Variants in PDE11A observed in about 807,000 individuals in gnomAD.
The protein encoded by PDE11A is dual 3',5'-cyclic-AMP and -GMP phosphodiesterase 11A.
PDE11A carries 100 observed loss-of-function variants against 100.5 expected under a neutral mutation model. The ratio of observed to expected loss-of-function variants is 1.00; its 90% CI spans 0.85 to 1.18. PDE11A has a LOEUF of 1.18. Among genes scored for constraint, PDE11A ranks in the 50% most tolerant of loss-of-function variants. The probability of loss-of-function intolerance (pLI) is 0.00; values close to 1 mark genes in which losing one functional copy is unlikely to be tolerated. For missense variants in PDE11A, 1,141 were observed against 1,152.6 expected (o/e 0.99, Z 0.15); for synonymous variants, 381 against 420.8 (o/e 0.91, Z 1.16).
At position 178,105,737 on chromosome 2, in the gene PDE11A, A is replaced by G. The variant is rs563194389; in HGVS notation, c.-13-1261T>C. 4,138 of 1,125,772 alleles carry G rather than the reference A, an allele frequency of 3.7e-3. 14 individuals are homozygous for G. The highest frequency in any genetic ancestry group is 4.4e-3 in the Non-Finnish European group (3,708 of 842,308). The allele number at this position is 1,125,772 out of a possible 1,614,324, so 69.7% of individuals were successfully genotyped here. The stretch of plus-strand genomic sequence containing the variant: ...GGTCTCACCTGCAGCCTGGCACCCA[A>G]TATCACCTCACAGCTCTGAGCCCCT... On this transcript the variant is annotated intron_variant, in intron 1 of 20. Coordinates refer to the PDE11A transcript ENST00000358450.
intron 2 of PDE11A, among the ~76,000 whole-genome samples, chr2:177,936,633 G>T (rs779415602): frequency 9.2e-5 from 14 of 152,144 alleles, no homozygotes; most frequent in African/African-American, 2.7e-4. Flanking sequence ...AAAAATTAAG[G>T]AATATGGCCA....
intron 5 of PDE11A, among the ~76,000 whole-genome samples, chr2:177,847,537 C>T (rs555254981): frequency 3.3e-5 from 5 of 152,186 alleles, no homozygotes; most frequent in South Asian, 4.1e-4. Flanking sequence ...CATGTCAACT[C>T]AGTGGTTCTT....
intron 10 of PDE11A, among the ~76,000 whole-genome samples, chr2:177,755,166 G>A (rs527486113): frequency 3.3e-5 from 5 of 152,282 alleles, no homozygotes; most frequent in African/African-American, 9.6e-5. Context: ...GCATGTCCCT[G>A]GAAGTTATAT....
intron 4 of PDE11A, among the ~76,000 whole-genome samples, chr2:177,887,189 G>A (rs2084449129): frequency 6.6e-6 from 1 of 152,082 alleles, no homozygotes; most frequent in Admixed American, 6.5e-5. Flanking sequence ...GAAAGCAATG[G>A]CATAAGCAAA....
chr2:178,077,126 A>G (rs2087217070), upstream of PDE11A, among the ~76,000 whole-genome samples: 1 of 152,194 alleles, frequency 6.6e-6, no homozygotes. Flanking sequence ...TATATAGCCA[A>G]GCACATCAGT....
At chr2:178,107,880 C>T (rs984663390) in intron 1 of PDE11A, among the ~76,000 whole-genome samples, 2 of 151,964 alleles carry the variant, frequency 1.3e-5, no homozygotes, top group East Asian at 3.9e-4. Flanking sequence ...CACCACTATG[C>T]CTGGATAATT....
intron 10 of PDE11A, among the ~76,000 whole-genome samples, chr2:177,764,157 T>C (rs1425611908): frequency 6.6e-6 from 1 of 152,236 alleles, no homozygotes; most frequent in African/African-American, 2.4e-5. Context: ...CTTATTTCAG[T>C]ATATAAATGC....
At chr2:177,986,416 T>C (rs1236781032) in intron 2 of PDE11A, among the ~76,000 whole-genome samples, 1 of 152,238 alleles carries the variant, frequency 6.6e-6, no homozygotes, top group East Asian at 1.9e-4. Context: ...TTCATGAATG[T>C]TCTATGTTCT....
intron 1 of PDE11A, among the ~76,000 whole-genome samples, chr2:178,022,763 T>C (rs2086428735): frequency 6.6e-6 from 1 of 152,136 alleles, no homozygotes; most frequent in Admixed American, 6.6e-5. Flanking sequence ...TTTTTACTCA[T>C]CTCCCTTGGG....
intron 16 of PDE11A, among the ~76,000 whole-genome samples, chr2:177,676,645 G>A (rs1355976370): frequency 6.6e-6 from 1 of 152,338 alleles, no homozygotes; most frequent in African/African-American, 2.4e-5. Context: ...AACTCGAGCA[G>A]CATTGATGAA....
At chr2:177,822,079 G>A (rs144037662) in intron 6 of PDE11A, among the ~76,000 whole-genome samples, 1 of 151,628 alleles carries the variant, frequency 6.6e-6, no homozygotes, top group African/African-American at 2.4e-5. Flanking sequence ...TGATTCAGAG[G>A]TCCCTAATAT....
chr2:178,030,434 T>A (rs890512235), intron 1 of PDE11A, among the ~76,000 whole-genome samples: 1 of 152,204 alleles, frequency 6.6e-6, no homozygotes, highest in Non-Finnish European at 1.5e-5. Context: ...CAGATCCAGA[T>A]AGATTTCTAG....
intron 5 of PDE11A, among the ~76,000 whole-genome samples, chr2:177,875,343 C>A (rs890818455): frequency 2.0e-5 from 3 of 152,038 alleles, no homozygotes; most frequent in African/African-American, 4.8e-5. Context: ...TGATTGCAAG[C>A]TAGATGTATA....
chr2:177,855,596 G>C (rs1311529102), intron 5 of PDE11A, among the ~76,000 whole-genome samples: 1 of 151,984 alleles, frequency 6.6e-6, no homozygotes, highest in Non-Finnish European at 1.5e-5. Flanking sequence ...CTCCCCAAAA[G>C]CTCTATCCCC....
At chr2:177,791,756 G>T (rs1275579412) in intron 9 of PDE11A, among the ~76,000 whole-genome samples, 5 of 152,100 alleles carry the variant, frequency 3.3e-5, no homozygotes, top group Non-Finnish European at 5.9e-5. Context: ...TAGAGTATAT[G>T]ACCATTAAGT....
At chr2:177,839,470 A>G (rs1307378951) in intron 6 of PDE11A, among the ~76,000 whole-genome samples, 2 of 152,058 alleles carry the variant, frequency 1.3e-5, no homozygotes, top group African/African-American at 4.8e-5. Context: ...CAGAACAAAT[A>G]CTCCAATTTC....
intron 19 of PDE11A, among the ~76,000 whole-genome samples, chr2:177,655,620 C>T (rs74743916): frequency 0.074 from 11,224 of 152,106 alleles, 503 homozygotes; most frequent in East Asian, 0.18. Flanking sequence ...CTCACTTCAG[C>T]CTCGAACTCC....
intron 10 of PDE11A, among the ~76,000 whole-genome samples, chr2:177,743,121 T>C (rs1247939529): frequency 6.6e-5 from 10 of 152,260 alleles, no homozygotes; most frequent in Non-Finnish European, 1.5e-5. Context: ...GATTTTTCTT[T>C]AGCTCTCTTT....
intron 2 of PDE11A, chr2:177,997,776 AC>A: frequency 7.4e-7 from 1 of 1,346,014 alleles, no homozygotes; most frequent in Non-Finnish European, 1.1e-6. Context: ...GTTCTTCATC[AC>A]CAGCATTCCC....
Sources: gnomAD v4.1 joint callset for allele counts (sites outside exome capture counted in the v4.1 genomes callset) on GRCh38, gnomAD v4.1.1 for gene constraint, MANE v1.5 for transcripts, NCBI Gene and HGNC (gene_info 2026-07-23, HGNC 2026-07-21) for gene names.